PSD3: variants seen among roughly 807,000 people sequenced by gnomAD.
PSD3 encodes the protein pleckstrin and Sec7 domain containing 3, also known as PH and SEC7 domain-containing protein 3.
In PSD3, 49 loss-of-function variants were observed where a neutral mutation model predicts 105.5. That is an observed-to-expected ratio of 0.46 (90% CI 0.37 to 0.59). The LOEUF (loss-of-function observed/expected upper bound fraction) is 0.59, where lower values mean the gene tolerates loss of function less well. PSD3 is among the 20% of genes least tolerant of loss of function. PSD3 has a pLI of 0.00. For missense variants in PSD3, 1,561 were observed against 1,263.8 expected (o/e 1.24, Z -3.57); for synonymous variants, 557 against 457.8 (o/e 1.22, Z -2.77).
intron 12 of PSD3, among the ~76,000 whole-genome samples, chr8:18,599,248 C>G (rs1585347072): frequency 6.6e-6 from 1 of 152,030 alleles, no homozygotes; most frequent in Non-Finnish European, 1.5e-5. Context: ...AGAGCTCAGA[C>G]AAATTCAACA....
chr8:18,844,227 G>T (rs900421498), intron 4 of PSD3, among the ~76,000 whole-genome samples: 3 of 152,202 alleles, frequency 2.0e-5, no homozygotes, highest in African/African-American at 7.2e-5. Context: ...AAATACGAAG[G>T]TACCATGGAA....
intron 10 of PSD3, among the ~76,000 whole-genome samples, chr8:18,634,501 A>C (rs1311498892): frequency 6.6e-6 from 1 of 151,914 alleles, no homozygotes; most frequent in South Asian, 2.1e-4. Context: ...ACTCGGCTTC[A>C]TTTGGATTTC....
Position 18,804,794 on chromosome 8 carries a change from C to CAA in PSD3, c.1738_1739insTT (p.Ser580IlefsTer38). ...CAACCTTTTGGCTGCTTCCACATTG[C>CAA]TGCTGGTACCATTACTGAGATTTTC... On this transcript the variant is annotated frameshift_variant, in exon 5 of 16. Transcript: ENST00000327040. LOFTEE classifies it high-confidence loss of function. The CAA allele has an allele frequency of 6.2e-7, 1 of 1,614,116 alleles. No individual in the cohort carries two copies.
chr8:18,619,232 C>A (rs917601303), intron 11 of PSD3, among the ~76,000 whole-genome samples: 1 of 152,080 alleles, frequency 6.6e-6, no homozygotes. Flanking sequence ...AGATGCACCT[C>A]CTTATATCCA....
intron 12 of PSD3, among the ~76,000 whole-genome samples, chr8:18,598,772 G>T (rs1367204502): frequency 2.0e-5 from 3 of 151,908 alleles, no homozygotes; most frequent in Non-Finnish European, 2.9e-5. Context: ...AAAAGGAAAT[G>T]AATAATACCA....
chr8:18,842,650 G>A (rs998867665), intron 4 of PSD3, among the ~76,000 whole-genome samples: 3 of 152,020 alleles, frequency 2.0e-5, no homozygotes, highest in African/African-American at 4.8e-5. Flanking sequence ...GGAGAATGGC[G>A]TGAACCCGGG....
At chr8:18,645,747 T>C (rs1807988737) in intron 10 of PSD3, among the ~76,000 whole-genome samples, 1 of 152,118 alleles carries the variant, frequency 6.6e-6, no homozygotes, top group Non-Finnish European at 1.5e-5. Flanking sequence ...GTGTAATGAG[T>C]ATCTAGAAAA....
intron 12 of PSD3, among the ~76,000 whole-genome samples, chr8:18,594,123 TA>T (rs1803825221): frequency 3.1e-5 from 1 of 32,378 alleles, no homozygotes; most frequent in African/African-American, 8.3e-5. Context: ...TAAAGTATAA[TA>T]ATATATATTA....
intron 9 of PSD3, among the ~76,000 whole-genome samples, chr8:18,720,747 T>A (rs989784811): frequency 3.3e-5 from 5 of 152,162 alleles, no homozygotes; most frequent in African/African-American, 1.2e-4. Context: ...GGAGCGCCGA[T>A]GCATTTGCTC....
At chr8:19,045,157 C>T (rs1828272730) in intron 1 of PSD3, among the ~76,000 whole-genome samples, 1 of 151,950 alleles carries the variant, frequency 6.6e-6, no homozygotes, top group South Asian at 2.1e-4. Context: ...TGCACTTCAG[C>T]CAGGGTGACG....
intron 1 of PSD3, among the ~76,000 whole-genome samples, chr8:19,075,511 C>T (rs1829438143): frequency 6.6e-6 from 1 of 152,196 alleles, no homozygotes; most frequent in African/African-American, 2.4e-5. Flanking sequence ...CACACATGAA[C>T]TCAGGAGAAG....
At chr8:18,732,349 G>C (rs1803822899) in intron 9 of PSD3, among the ~76,000 whole-genome samples, 1 of 152,190 alleles carries the variant, frequency 6.6e-6, no homozygotes, top group Admixed American at 6.5e-5. Context: ...TACAAATCCT[G>C]TCTCAGTAAT....
intron 4 of PSD3, among the ~76,000 whole-genome samples, chr8:18,847,081 C>A (rs1473398416): frequency 6.6e-6 from 1 of 152,160 alleles, no homozygotes; most frequent in Non-Finnish European, 1.5e-5. Flanking sequence ...CTCGACACTG[C>A]CTTTCACCTC....
intron 1 of PSD3, among the ~76,000 whole-genome samples, chr8:19,023,719 G>A (rs561999807): frequency 2.0e-5 from 3 of 152,200 alleles, no homozygotes; most frequent in Admixed American, 2.0e-4. Flanking sequence ...TTCCAGGCAT[G>A]AGCCACTGAG....
At chr8:18,801,635 G>C (rs1438301237) in intron 6 of PSD3, among the ~76,000 whole-genome samples, 1 of 152,096 alleles carries the variant, frequency 6.6e-6, no homozygotes, top group Non-Finnish European at 1.5e-5. Context: ...TTCAAAACCA[G>C]CCTGGCCAAC....
chr8:18,580,831 G>A (rs979171102), intron 12 of PSD3, among the ~76,000 whole-genome samples: 2 of 152,136 alleles, frequency 1.3e-5, no homozygotes, highest in Non-Finnish European at 2.9e-5. Flanking sequence ...AGCCTGATCT[G>A]CAGACTACAA....
intron 15 of PSD3, among the ~76,000 whole-genome samples, chr8:18,550,642 C>G (rs1401232180): frequency 6.6e-6 from 1 of 152,070 alleles, no homozygotes; most frequent in African/African-American, 2.4e-5. Context: ...TTATCTAACC[C>G]CAAAGCCTGT....
intron 4 of PSD3, among the ~76,000 whole-genome samples, chr8:18,848,038 G>T (rs571042947): frequency 6.6e-6 from 1 of 151,844 alleles, no homozygotes; most frequent in Non-Finnish European, 1.5e-5. Flanking sequence ...AGAGGGGAAG[G>T]AACACGTGTC....
At chr8:18,860,687 C>T (rs747550263) in intron 4 of PSD3, among the ~76,000 whole-genome samples, 9 of 152,166 alleles carry the variant, frequency 5.9e-5, no homozygotes, top group Non-Finnish European at 1.2e-4. Context: ...CTCCCCAAAA[C>T]AAGGCTCAAT....
Sources: allele counts gnomAD v4.1 joint callset (sites outside exome capture counted in the v4.1 genomes callset), GRCh38; gene constraint gnomAD v4.1.1; transcripts MANE v1.5; gene names NCBI Gene and HGNC (gene_info 2026-07-23, HGNC 2026-07-21).